PALM2AKAP2: variants seen among roughly 807,000 people sequenced by gnomAD.
PALM2AKAP2 encodes the protein PALM2-AKAP2 fusion protein.
A neutral mutation model predicts 71.5 loss-of-function variants in PALM2AKAP2; 37 were observed. The observed-to-expected ratio is 0.52, with a 90% CI of 0.40 to 0.68. The LOEUF (loss-of-function observed/expected upper bound fraction) is 0.68. Ranked by LOEUF, PALM2AKAP2 falls within the 30% of genes least tolerant of loss-of-function variation. The pLI, the probability that PALM2AKAP2 is intolerant of heterozygous loss-of-function variation, is 0.00. For missense variants in PALM2AKAP2, 1,224 were observed against 1,191.8 expected, an observed-to-expected ratio of 1.03 and a Z score of -0.40; for synonymous variants, 468 against 478.8, an observed-to-expected ratio of 0.98 and a Z score of 0.29.
chr9:110,099,919 A>G (rs563250600), intron 1 of PALM2AKAP2, among the ~76,000 whole-genome samples: 60 of 151,456 alleles, frequency 4.0e-4, no homozygotes, highest in South Asian at 1.0e-3. Context: ...TCTGGGGCAT[A>G]TAATTGAGCT....
chr9:109,944,685 GT>G (rs1268354994), intron 6 of PALM2AKAP2: 4 of 152,050 alleles, frequency 2.6e-5, no homozygotes, highest in African/African-American at 9.7e-5. Flanking sequence ...GCATTGTTTT[GT>G]TTTTAGCTTC....
At chr9:109,849,467 G>A (rs1828950541) in intron 1 of PALM2AKAP2, among the ~76,000 whole-genome samples, 1 of 152,124 alleles carries the variant, frequency 6.6e-6, no homozygotes, top group African/African-American at 2.4e-5. Flanking sequence ...CAAAACCAGG[G>A]CTGGGCGCGG....
At chr9:109,842,949 C>T (rs1028227532) in intron 1 of PALM2AKAP2, among the ~76,000 whole-genome samples, 1 of 151,736 alleles carries the variant, frequency 6.6e-6, no homozygotes, top group Admixed American at 6.6e-5. Flanking sequence ...GAGACCAGAC[C>T]GACCAACGTG....
intron 1 of PALM2AKAP2, among the ~76,000 whole-genome samples, chr9:109,827,832 T>C (rs1828194604): frequency 6.6e-6 from 1 of 152,126 alleles, no homozygotes; most frequent in Non-Finnish European, 1.5e-5. Context: ...CTAACTATAT[T>C]TGCAGCTTTA....
intron 1 of PALM2AKAP2, among the ~76,000 whole-genome samples, chr9:109,646,379 A>G (rs915789241): frequency 9.9e-5 from 15 of 152,262 alleles, no homozygotes; most frequent in Admixed American, 4.6e-4. Context: ...CACAAAGAAC[A>G]TAACACGAGA....
chr9:109,827,588 G>A (rs558770262), intron 1 of PALM2AKAP2, among the ~76,000 whole-genome samples: 13 of 152,126 alleles, frequency 8.5e-5, no homozygotes, highest in Non-Finnish European at 1.5e-4. Context: ...CAGCCTGGGC[G>A]ACAGAGTGAG....
intron 1 of PALM2AKAP2, among the ~76,000 whole-genome samples, chr9:109,745,252 T>C (rs1828780491): frequency 6.6e-6 from 1 of 152,138 alleles, no homozygotes; most frequent in Admixed American, 6.5e-5. Flanking sequence ...CTCAGGAGGC[T>C]GAGGCAGGAG....
At chr9:110,117,950 T>C (rs1316219753) in intron 1 of PALM2AKAP2, among the ~76,000 whole-genome samples, 1 of 70,088 alleles carries the variant, frequency 1.4e-5, no homozygotes, top group Non-Finnish European at 2.7e-5. Context: ...TAGTGTAAGA[T>C]ACATATATAT....
chr9:109,721,601 A>G (rs946644420), intron 1 of PALM2AKAP2, among the ~76,000 whole-genome samples: 32 of 152,152 alleles, frequency 2.1e-4, no homozygotes, highest in Admixed American at 5.9e-4. Context: ...TAATTAGCCA[A>G]CTTCATCTCT....
intron 1 of PALM2AKAP2, among the ~76,000 whole-genome samples, chr9:110,071,439 T>G (rs1419777684): frequency 1.3e-5 from 2 of 152,212 alleles, no homozygotes; most frequent in African/African-American, 2.4e-5. Context: ...CTTCTCTGAC[T>G]TTGGAAAGCC....
intron 1 of PALM2AKAP2, among the ~76,000 whole-genome samples, chr9:109,818,525 A>G (rs1827907697): frequency 6.6e-6 from 1 of 152,240 alleles, no homozygotes; most frequent in Non-Finnish European, 1.5e-5. Context: ...ATGCTTCTGT[A>G]TCTGTATTGA....
intron 2 of PALM2AKAP2, among the ~76,000 whole-genome samples, chr9:109,878,083 A>G (rs577738295): frequency 1.3e-5 from 2 of 152,340 alleles, no homozygotes; most frequent in East Asian, 3.9e-4. Context: ...AATGTTTTGT[A>G]GAAAGAGCAA....
At chr9:109,745,209 G>A (rs535293378) in intron 1 of PALM2AKAP2, among the ~76,000 whole-genome samples, 15 of 152,150 alleles carry the variant, frequency 9.9e-5, no homozygotes, top group African/African-American at 3.1e-4. Context: ...GCTCGTAGCC[G>A]GGCATGGTGG....
exon 2 of PALM2AKAP2, chr9:110,137,786 T>C (rs145450139): frequency 6.2e-7 from 1 of 1,614,070 alleles, no homozygotes; most frequent in Non-Finnish European, 8.5e-7. Flanking sequence ...CCAGGAAAAT[T>C]CACTGGCTGA....
intron 6 of PALM2AKAP2, among the ~76,000 whole-genome samples, chr9:110,003,989 C>T (rs1832730086): frequency 3.3e-5 from 5 of 152,204 alleles, no homozygotes; most frequent in Admixed American, 1.3e-4. Flanking sequence ...GTCTAATTTG[C>T]CAGTCTGTGT....
rs539778924 is a variant in PALM2AKAP2, at chr9:109,841,125, A to C, written c.46-26366A>C. ...AAGACTTGGAACCAACCCAAAGTCC[A>C]TCAATGATAGACTGGATTAAGAAAA... On this transcript the variant is annotated intron_variant, in intron 1 of 9. Coordinates refer to the PALM2AKAP2 transcript ENST00000302798. 7.0e-4 allele frequency among the ~76,000 whole-genome samples: 106 copies of C among 152,314 alleles called. 2 individuals are homozygous for C. The highest frequency in any genetic ancestry group is 6.2e-3 in the South Asian group (30 of 4,828).
chr9:109,842,639 C>T (rs950234145), intron 1 of PALM2AKAP2, among the ~76,000 whole-genome samples: 10 of 151,500 alleles, frequency 6.6e-5, no homozygotes, highest in Non-Finnish European at 7.4e-5. Flanking sequence ...TTTTTGTTGT[C>T]GTCGTTGTTG....
intron 1 of PALM2AKAP2, among the ~76,000 whole-genome samples, chr9:110,051,626 A>G (rs1487426954): frequency 6.6e-6 from 1 of 152,226 alleles, no homozygotes; most frequent in African/African-American, 2.4e-5. Context: ...AGGGATTTTA[A>G]CAGTTGAAAC....
intron 1 of PALM2AKAP2, among the ~76,000 whole-genome samples, chr9:110,108,104 G>GT (rs1835159390): frequency 7.0e-6 from 1 of 142,358 alleles, no homozygotes. Flanking sequence ...TGTGCCTTTT[G>GT]TTTTTCTTTT....
Sources: gnomAD v4.1 joint callset for allele counts (sites outside exome capture counted in the v4.1 genomes callset) on GRCh38, gnomAD v4.1.1 for gene constraint, MANE v1.5 for transcripts, NCBI Gene and HGNC (gene_info 2026-07-23, HGNC 2026-07-21) for gene names.